Variants in PDE1A observed in about 807,000 individuals in gnomAD.
The protein encoded by PDE1A is phosphodiesterase 1A.
In PDE1A, 35 loss-of-function variants were observed where a neutral mutation model predicts 61.7. That is an observed-to-expected ratio of 0.57 (90% CI 0.43 to 0.75). The LOEUF (loss-of-function observed/expected upper bound fraction) is 0.75. PDE1A is among the 30% of genes least tolerant of loss of function. The probability of loss-of-function intolerance (pLI) is 0.00; values close to 1 mark genes in which losing one functional copy is unlikely to be tolerated. For missense variants in PDE1A, 597 were observed against 630.6 expected, an observed-to-expected ratio of 0.95 and a Z score of 0.57; for synonymous variants, 232 against 213.2, an observed-to-expected ratio of 1.09 and a Z score of -0.77.
chr2:182,590,118 GA>G, the PDE1A span, among the ~76,000 whole-genome samples: 7,432 of 152,270 alleles, frequency 0.049, 218 homozygotes, highest in Middle Eastern at 0.085. Flanking sequence ...AAGTAGTGGA[GA>G]CGTAGCATAC....
chr2:182,527,009 A>G (rs1690780792), upstream of PDE1A, among the ~76,000 whole-genome samples: 1 of 151,898 alleles, frequency 6.6e-6, no homozygotes, highest in Admixed American at 6.6e-5. Context: ...TTAAATAAAT[A>G]GAAAAAATTA....
chr2:182,671,995 G>C, the PDE1A span, among the ~76,000 whole-genome samples: 1 of 151,984 alleles, frequency 6.6e-6, no homozygotes, highest in Non-Finnish European at 1.5e-5. Flanking sequence ...GCTCCTCCTC[G>C]AATTCTGCCC....
chr2:182,513,771 A>G (rs1157020375), intron 2 of PDE1A, among the ~76,000 whole-genome samples: 1 of 152,232 alleles, frequency 6.6e-6, no homozygotes, highest in Middle Eastern at 3.2e-3. Flanking sequence ...AGCAAACAGA[A>G]AACAAAAAAG....
At position 182,402,525 on chromosome 2, in the gene PDE1A, C is replaced by G. The variant is rs1702064689; in HGVS notation, c.53+24053G>C. On this transcript the variant is annotated intron_variant, in intron 1 of 13. Coordinates refer to ENST00000351439, the Ensembl canonical transcript of PDE1A. ...CTTATACCTTATACAGAAATCAACT[C>G]AAGATTAAGATTAAAGACTTAAATG... 3.3e-5 allele frequency among the ~76,000 whole-genome samples: 5 copies of G among 152,264 alleles called. No individual in the cohort carries two copies. The South Asian group carries it at 1.0e-3, about 32-fold the overall frequency.
At chr2:182,636,858 C>G in the PDE1A span, among the ~76,000 whole-genome samples, 1 of 152,158 alleles carries the variant, frequency 6.6e-6, no homozygotes, top group Non-Finnish European at 1.5e-5. Context: ...GCATTAAGGT[C>G]CCTATTTCCT....
chr2:182,530,265 C>A, the PDE1A span, among the ~76,000 whole-genome samples: 1 of 151,964 alleles, frequency 6.6e-6, no homozygotes, highest in Non-Finnish European at 1.5e-5. Context: ...GTATAGTTGC[C>A]CCAGATTAGC....
chr2:182,152,144 C>T (rs946983040), intron 13 of PDE1A, among the ~76,000 whole-genome samples: 2 of 152,096 alleles, frequency 1.3e-5, no homozygotes, highest in Admixed American at 6.6e-5. Flanking sequence ...ATTACCTTTG[C>T]TATGTATAAT....
chr2:182,254,329 C>G (rs1476389144), intron 2 of PDE1A, among the ~76,000 whole-genome samples: 1 of 152,124 alleles, frequency 6.6e-6, no homozygotes, highest in Non-Finnish European at 1.5e-5. Flanking sequence ...AACAGCCACC[C>G]CTCCCCACAA....
chr2:182,562,160 T>C, the PDE1A span, among the ~76,000 whole-genome samples: 35 of 152,230 alleles, frequency 2.3e-4, no homozygotes, highest in Admixed American at 5.9e-4. Flanking sequence ...TGCTTCCAGT[T>C]TTTGCCCATT....
At chr2:182,594,697 A>T in the PDE1A span, among the ~76,000 whole-genome samples, 1 of 152,240 alleles carries the variant, frequency 6.6e-6, no homozygotes, top group African/African-American at 2.4e-5. Flanking sequence ...TTAACTCGAC[A>T]CTTAGTCTTC....
At chr2:182,485,745 T>C (rs556596823) in intron 2 of PDE1A, among the ~76,000 whole-genome samples, 1 of 152,160 alleles carries the variant, frequency 6.6e-6, no homozygotes, top group East Asian at 1.9e-4. Flanking sequence ...CAGAAAAGCA[T>C]ATCATTGTCC....
intron 1 of PDE1A, among the ~76,000 whole-genome samples, chr2:182,362,338 G>A (rs769072626): frequency 2.6e-5 from 4 of 151,758 alleles, no homozygotes; most frequent in South Asian, 2.1e-4. Flanking sequence ...GCAGTAGCAC[G>A]GGAAAAAAGT....
At chr2:182,140,572 G>T (rs190420072) in exon 15 of PDE1A, 1 of 152,188 alleles carries the variant, frequency 6.6e-6, no homozygotes, top group Non-Finnish European at 1.5e-5. Flanking sequence ...ATTGTAGGTT[G>T]TTATGTTAAA....
chr2:182,306,315 G>A (rs1389934876), intron 1 of PDE1A, among the ~76,000 whole-genome samples: 1 of 152,060 alleles, frequency 6.6e-6, no homozygotes, highest in African/African-American at 2.4e-5. Flanking sequence ...ATATCTCTTT[G>A]ACATACTGAT....
the PDE1A span, among the ~76,000 whole-genome samples, chr2:182,555,965 C>CAAAAAAAAAAAAAAAAAAAAAAAAA: frequency 4.1e-5 from 2 of 48,438 alleles, no homozygotes; most frequent in Non-Finnish European, 6.7e-5. Context: ...AACTCCATCT[C>CAAAAAAAAAAAAAAAAAAAAAAAAA]AAAAAAAAAA....
chr2:182,197,894 T>C (rs771897823), intron 10 of PDE1A, among the ~76,000 whole-genome samples: 2 of 151,952 alleles, frequency 1.3e-5, no homozygotes, highest in African/African-American at 2.4e-5. Flanking sequence ...CTTAGACTCT[T>C]ATATTTCTAT....
At chr2:182,688,681 C>G in the PDE1A span, among the ~76,000 whole-genome samples, 160 of 152,210 alleles carry the variant, frequency 1.1e-3, 1 homozygote, top group South Asian at 0.012. Context: ...CATAACAATA[C>G]TAACCTTAAA....
chr2:182,495,207 T>C (rs925032392), intron 2 of PDE1A, among the ~76,000 whole-genome samples: 1 of 152,148 alleles, frequency 6.6e-6, no homozygotes, highest in African/African-American at 2.4e-5. Context: ...CCAGTCACAG[T>C]CTCTTGGCTT....
At chr2:182,152,015 A>T (rs1559117954) in intron 13 of PDE1A, among the ~76,000 whole-genome samples, 1 of 152,210 alleles carries the variant, frequency 6.6e-6, no homozygotes, top group Non-Finnish European at 1.5e-5. Context: ...TAATTTTTTA[A>T]ATTTAACAGC....
Sources: gnomAD v4.1 joint callset for allele counts (sites outside exome capture counted in the v4.1 genomes callset) on GRCh38, gnomAD v4.1.1 for gene constraint, MANE v1.5 for transcripts, NCBI Gene and HGNC (gene_info 2026-07-23, HGNC 2026-07-21) for gene names.